The following NAV2 variants were observed in gnomAD, a reference collection of about 807,000 sequenced individuals.
NAV2 encodes neuron navigator 2.
In NAV2, 54 loss-of-function variants were observed where a neutral mutation model predicts 223.2. The observed-to-expected ratio is 0.24, with a 90% confidence interval of 0.19 to 0.30. The LOEUF is 0.30. Ranked by LOEUF, NAV2 falls within the 10% of genes least tolerant of loss-of-function variation. The pLI, the probability that NAV2 is intolerant of heterozygous loss-of-function variation, is 1.00. For missense variants in NAV2, 2,806 were observed against 3,147.5 expected (o/e 0.89, Z 2.60); for synonymous variants, 1,279 against 1,239.3 (o/e 1.03, Z -0.67).
intron 4 of NAV2, among the ~76,000 whole-genome samples, chr11:19,871,902 G>C (rs1416614112): frequency 6.6e-6 from 1 of 152,112 alleles, no homozygotes; most frequent in Non-Finnish European, 1.5e-5. Flanking sequence ...GGGGCCCAAG[G>C]ACTCTGCTGC....
intron 1 of NAV2, among the ~76,000 whole-genome samples, chr11:19,744,985 G>A (rs2053218278): frequency 6.6e-6 from 1 of 152,164 alleles, no homozygotes; most frequent in South Asian, 2.1e-4. Flanking sequence ...TAAGATAGGT[G>A]GACTCCTGAA....
At chr11:19,516,675 G>C (rs938863986) in intron 1 of NAV2, among the ~76,000 whole-genome samples, 1 of 152,204 alleles carries the variant, frequency 6.6e-6, no homozygotes, top group Non-Finnish European at 1.5e-5. Context: ...CCCTCTGACT[G>C]TTCAACAATC....
At chr11:20,053,962 T>TA (rs898382752) in intron 17 of NAV2, 118 bp from the exon 18 acceptor site, 48 of 1,114,466 alleles carry the variant, frequency 4.3e-5, no homozygotes, top group Middle Eastern at 2.0e-4. Context: ...GATCTGATTT[T>TA]AAAAAAAATC....
intron 1 of NAV2, among the ~76,000 whole-genome samples, chr11:19,695,220 C>G (rs138416636): frequency 6.6e-6 from 1 of 152,342 alleles, no homozygotes; most frequent in Non-Finnish European, 1.5e-5. Flanking sequence ...AGTCGGCACT[C>G]TCCGGTCCAA....
At chr11:19,633,183 C>T (rs1025891197) in intron 1 of NAV2, among the ~76,000 whole-genome samples, 1 of 152,110 alleles carries the variant, frequency 6.6e-6, no homozygotes, top group Non-Finnish European at 1.5e-5. Context: ...CAACTAACCT[C>T]TCCTCCTAGC....
chr11:19,538,703 T>C (rs2044256657), intron 1 of NAV2, among the ~76,000 whole-genome samples: 1 of 151,924 alleles, frequency 6.6e-6, no homozygotes, highest in Non-Finnish European at 1.5e-5. Flanking sequence ...AGTGTCATAG[T>C]CTATGTGTTT....
At chr11:19,393,359 G>T (rs1000466256) in intron 1 of NAV2, among the ~76,000 whole-genome samples, 1 of 152,222 alleles carries the variant, frequency 6.6e-6, no homozygotes, top group South Asian at 2.1e-4. Context: ...TCTAAAATAT[G>T]CTGGCTTGCT....
intron 8 of NAV2, 97 bp downstream of exon 8, chr11:19,939,870 C>A: frequency 1.4e-6 from 1 of 727,078 alleles, no homozygotes; most frequent in Non-Finnish European, 2.3e-6. Flanking sequence ...TTACGAGTTG[C>A]ATTATGTTTG....
chr11:20,092,126 A>C (rs944227502), intron 27 of NAV2, 80 bp from the exon 28 acceptor site: 6 of 1,408,972 alleles, frequency 4.3e-6, no homozygotes, highest in Middle Eastern at 3.8e-4. Flanking sequence ...TCTGCAGGGA[A>C]CTTTCAGATC....
At chr11:19,501,427 C>T (rs1047348635) in intron 1 of NAV2, among the ~76,000 whole-genome samples, 27 of 152,196 alleles carry the variant, frequency 1.8e-4, no homozygotes, top group Admixed American at 1.7e-3. Context: ...TACCTTTCTT[C>T]TTCTTTTTCT....
At chr11:19,857,258 G>T (rs1355784061) in intron 3 of NAV2, among the ~76,000 whole-genome samples, 1 of 152,198 alleles carries the variant, frequency 6.6e-6, no homozygotes, top group Non-Finnish European at 1.5e-5. Flanking sequence ...GTGGCTTATG[G>T]GTTTAAGCAT....
At chr11:19,772,079 T>C (rs1234948213) in intron 1 of NAV2, among the ~76,000 whole-genome samples, 1 of 152,210 alleles carries the variant, frequency 6.6e-6, no homozygotes, top group Middle Eastern at 3.2e-3. Flanking sequence ...AATTCGACTC[T>C]GAAGTTCTGA....
chr11:19,527,937 GACACACACACACACACACACACAC>G (rs67561376), intron 1 of NAV2, among the ~76,000 whole-genome samples: 3 of 143,224 alleles, frequency 2.1e-5, no homozygotes, highest in Admixed American at 6.9e-5. Flanking sequence ...TCCCTGCCCT[GACACACACACACACACACACACAC>G]ACACACACAC....
intron 10 of NAV2, among the ~76,000 whole-genome samples, chr11:19,967,909 C>T (rs984198409): frequency 7.9e-5 from 12 of 152,182 alleles, no homozygotes; most frequent in African/African-American, 2.9e-4. Context: ...CACGTTTCCA[C>T]AGGTCCTGCC....
At chr11:19,996,506 A>G (rs1000470633) in intron 11 of NAV2, among the ~76,000 whole-genome samples, 1 of 152,234 alleles carries the variant, frequency 6.6e-6, no homozygotes, top group African/African-American at 2.4e-5. Flanking sequence ...GATCTTAGGG[A>G]TGCTTGAAGC....
chr11:19,655,149 C>T (rs1052863761), intron 1 of NAV2, among the ~76,000 whole-genome samples: 1 of 152,186 alleles, frequency 6.6e-6, no homozygotes, highest in African/African-American at 2.4e-5. Flanking sequence ...AAATGCTCAT[C>T]ATCACTGGCC....
At chr11:19,975,640 A>C (rs1331930104) in intron 10 of NAV2, among the ~76,000 whole-genome samples, 1 of 152,220 alleles carries the variant, frequency 6.6e-6, no homozygotes, top group Non-Finnish European at 1.5e-5. Flanking sequence ...GCAAGACCCA[A>C]GCAGTGGTGA....
intron 4 of NAV2, among the ~76,000 whole-genome samples, chr11:19,874,260 A>G (rs2062709614): frequency 6.6e-6 from 1 of 152,240 alleles, no homozygotes. Context: ...AGTGGAGTCA[A>G]GGCAATACTA....
At chr11:19,738,905 G>A (rs145379927) in intron 1 of NAV2, among the ~76,000 whole-genome samples, 1 of 152,266 alleles carries the variant, frequency 6.6e-6, no homozygotes, top group Non-Finnish European at 1.5e-5. Flanking sequence ...GGTACCTGCT[G>A]GGAGAAGAGG....
Sources: allele counts gnomAD v4.1 joint callset (sites outside exome capture counted in the v4.1 genomes callset), GRCh38; gene constraint gnomAD v4.1.1; transcripts MANE v1.5; gene names NCBI Gene and HGNC (gene_info 2026-07-23, HGNC 2026-07-21).